The following HLCS variants were observed in gnomAD, a reference collection of about 807,000 sequenced individuals.
The protein encoded by HLCS is holocarboxylase synthetase, also known as biotin--protein ligase.
A neutral mutation model predicts 75.0 loss-of-function variants in HLCS; 53 were observed. The observed-to-expected ratio is 0.71, with a 90% CI of 0.57 to 0.89. The LOEUF (loss-of-function observed/expected upper bound fraction) is 0.89, where lower values mean the gene tolerates loss of function less well. HLCS is among the 40% of genes least tolerant of loss of function. The pLI is 0.00. For synonymous variants in HLCS, 431 were observed against 428.6 expected (o/e 1.01, Z -0.07); for missense variants, 966 against 1,074.0 (o/e 0.90, Z 1.41).
intron 6 of HLCS, among the ~76,000 whole-genome samples, chr21:36,815,794 G>A (rs2061647754): frequency 6.6e-6 from 1 of 152,132 alleles, no homozygotes; most frequent in Non-Finnish European, 1.5e-5. Context: ...ATAGACCAAG[G>A]ATGGTCAACT....
intron 6 of HLCS, among the ~76,000 whole-genome samples, chr21:36,876,871 G>A (rs748780344): frequency 1.3e-5 from 2 of 152,142 alleles, no homozygotes; most frequent in Non-Finnish European, 1.5e-5. Flanking sequence ...AACTATGACG[G>A]TGGACTTCTC....
At chr21:36,801,873 A>G (rs926612777) in intron 6 of HLCS, among the ~76,000 whole-genome samples, 2 of 152,028 alleles carry the variant, frequency 1.3e-5, no homozygotes, top group Non-Finnish European at 1.5e-5. Flanking sequence ...GTCTCAAGCA[A>G]TCCTCATGCC....
intron 6 of HLCS, among the ~76,000 whole-genome samples, chr21:36,772,622 G>A (rs2060240798): frequency 1.6e-5 from 2 of 122,716 alleles, no homozygotes; most frequent in Non-Finnish European, 3.2e-5. Flanking sequence ...CTGGGCAACA[G>A]AGCAAGACAC....
intron 9 of HLCS, chr21:36,759,203 A>C (rs2089728826): frequency 2.1e-6 from 1 of 471,110 alleles, no homozygotes; most frequent in African/African-American, 2.0e-5. Flanking sequence ...CCAGGAACCT[A>C]AGGACTTCTG....
chr21:36,862,222 T>C (rs560465042), intron 6 of HLCS, among the ~76,000 whole-genome samples: 1 of 152,370 alleles, frequency 6.6e-6, no homozygotes, highest in African/African-American at 2.4e-5. Context: ...TTCCCACCTT[T>C]TGGCTATCAT....
In HLCS at chr21:36,908,228, TA is replaced by T. The variant is rs541725804; in HGVS notation, c.1621-11098del. Reference sequence around the variant, plus strand: ...AGTGACACCCAGTCTCTACAAAAAATAAAAAAACAAAACTAGTCAAGAGTGG... The same window carrying T: ...AGTGACACCCAGTCTCTACAAAAAATAAAAAACAAAACTAGTCAAGAGTGG... On this transcript the variant is annotated intron_variant, in intron 5 of 10. Coordinates refer to ENST00000674895, the MANE Select transcript of HLCS (RefSeq NM_001352514.2). Among the ~76,000 whole-genome samples, 5 of 150,950 alleles carry T rather than the reference TA, an allele frequency of 3.3e-5. No individual in the cohort carries two copies. The East Asian group carries it at 7.8e-4, about 24-fold the overall frequency.
At chr21:36,797,424 A>G (rs1248342027) in intron 6 of HLCS, among the ~76,000 whole-genome samples, 1 of 151,988 alleles carries the variant, frequency 6.6e-6, no homozygotes, top group Non-Finnish European at 1.5e-5. Context: ...TATAATAAAA[A>G]TATAATTTTT....
At chr21:36,948,912 G>T (rs1020284052) in intron 2 of HLCS, among the ~76,000 whole-genome samples, 2 of 152,060 alleles carry the variant, frequency 1.3e-5, no homozygotes, top group Non-Finnish European at 2.9e-5. Context: ...GATGCTCAGG[G>T]AAAGGGCAGG....
intron 8 of HLCS, among the ~76,000 whole-genome samples, chr21:36,762,112 A>C (rs2845805): frequency 0.34 from 52,491 of 152,184 alleles, 11,374 homozygotes; most frequent in East Asian, 0.61. Flanking sequence ...CCACATAAAA[A>C]AAGACCAAAA....
At chr21:36,902,426 T>C (rs1569168729) in intron 5 of HLCS, among the ~76,000 whole-genome samples, 1 of 151,994 alleles carries the variant, frequency 6.6e-6, no homozygotes, top group Non-Finnish European at 1.5e-5. Flanking sequence ...GTGGCTCAGG[T>C]TCCCCTCTGC....
At chr21:36,953,820 T>C (rs896415181) in intron 2 of HLCS, among the ~76,000 whole-genome samples, 2 of 152,138 alleles carry the variant, frequency 1.3e-5, no homozygotes, top group Admixed American at 1.3e-4. Context: ...ATTTGTAAAT[T>C]TAATACAGTC....
At chr21:36,956,097 G>A (rs564744021) in intron 2 of HLCS, among the ~76,000 whole-genome samples, 68 of 152,278 alleles carry the variant, frequency 4.5e-4, no homozygotes, top group African/African-American at 1.4e-3. Flanking sequence ...TGTATCTGTC[G>A]TGAAGCAACA....
chr21:36,795,564 G>A (rs1037292429), intron 6 of HLCS, among the ~76,000 whole-genome samples: 1 of 152,214 alleles, frequency 6.6e-6, no homozygotes, highest in Non-Finnish European at 1.5e-5. Flanking sequence ...ATTTCTAACA[G>A]AAACCAGAAA....
At chr21:36,914,533 A>AT (rs66804386) in intron 5 of HLCS, among the ~76,000 whole-genome samples, 2 of 152,166 alleles carry the variant, frequency 1.3e-5, no homozygotes, top group Non-Finnish European at 2.9e-5. Flanking sequence ...GATTTACTGC[A>AT]TTTTTTTGTT....
At chr21:36,946,310 T>C (rs1862798428) in intron 2 of HLCS, among the ~76,000 whole-genome samples, 1 of 152,130 alleles carries the variant, frequency 6.6e-6, no homozygotes, top group Non-Finnish European at 1.5e-5. Context: ...GGTGCAGTCA[T>C]GGCTCATTGC....
rs190191748 is a variant in HLCS at position 36,782,312 on chromosome 21, T to C, written c.1893-15027A>G. On this transcript the variant is annotated intron_variant, in intron 6 of 10. Coordinates refer to ENST00000674895, the MANE Select transcript of HLCS (RefSeq NM_001352514.2). ...TTCCAAAAGAAACCTTTTTGATTTC[T>C]TCTTGAAATAGCTTTCAGAACTCCT... Among the ~76,000 whole-genome samples, 19 of 152,338 alleles carry C rather than the reference T, an allele frequency of 1.2e-4. No homozygotes were observed. The East Asian group carries it at 3.5e-3, about 28-fold the overall frequency.
chr21:36,903,293 C>T lies in HLCS; in HGVS notation c.1621-6162G>A, dbSNP rs1414803491. Among the ~76,000 whole-genome samples, 3 of 152,068 alleles carry T rather than the reference C, an allele frequency of 2.0e-5. No individual in the cohort carries two copies. In the East Asian group the frequency reaches 5.8e-4, roughly 29 times the overall value. On this transcript the variant is annotated intron_variant, in intron 5 of 10. Transcript: ENST00000674895. ...AGAAGAAGAAGAAATGAATAAATAA[C>T]ATACAAAGGTGATCCCCAAACCTCA... is the stretch of plus-strand genomic sequence containing the variant.
At chr21:36,876,028 G>A (rs887468011) in intron 6 of HLCS, among the ~76,000 whole-genome samples, 12 of 152,088 alleles carry the variant, frequency 7.9e-5, no homozygotes, top group Admixed American at 3.9e-4. Flanking sequence ...AGCCTTGCAC[G>A]GAGGCAGCAC....
intron 6 of HLCS, among the ~76,000 whole-genome samples, chr21:36,843,986 T>C (rs1422409385): frequency 1.3e-5 from 2 of 152,216 alleles, no homozygotes; most frequent in African/African-American, 4.8e-5. Context: ...CTAGCCTGTG[T>C]GACAGAGCAA....
Sources: gnomAD v4.1 joint callset for allele counts (sites outside exome capture counted in the v4.1 genomes callset) on GRCh38, gnomAD v4.1.1 for gene constraint, MANE v1.5 for transcripts, NCBI Gene and HGNC (gene_info 2026-07-23, HGNC 2026-07-21) for gene names.